The following STK33 variants were observed in gnomAD, a reference collection of about 807,000 sequenced individuals.
The protein encoded by STK33 is serine/threonine kinase 33.
Under a neutral mutation model 58.0 loss-of-function variants are expected in STK33, and 52 were observed. The ratio of observed to expected loss-of-function variants is 0.90; its 90% confidence interval spans 0.72 to 1.13. The LOEUF (loss-of-function observed/expected upper bound fraction) is 1.13. STK33 is among the 50% of genes most tolerant of loss of function. The pLI is 0.00. For synonymous variants in STK33, 215 were observed against 200.1 expected (o/e 1.07, Z -0.63); for missense variants, 630 against 604.2 (o/e 1.04, Z -0.45).
chr11:8,429,760 C>T (rs1050899140), intron 14 of STK33, among the ~76,000 whole-genome samples: 2 of 152,112 alleles, frequency 1.3e-5, no homozygotes, highest in African/African-American at 2.4e-5. Flanking sequence ...CAGCCTGTTC[C>T]AATACTCATC....
At chr11:8,536,714 T>G (rs1051668345) in intron 1 of STK33, among the ~76,000 whole-genome samples, 2 of 152,154 alleles carry the variant, frequency 1.3e-5, no homozygotes, top group African/African-American at 4.8e-5. Flanking sequence ...TTCTTCTTCA[T>G]ATCTTCTATT....
At chr11:8,454,007 A>C (rs1198652454) in intron 10 of STK33, among the ~76,000 whole-genome samples, 1 of 152,082 alleles carries the variant, frequency 6.6e-6, no homozygotes, top group Non-Finnish European at 1.5e-5. Flanking sequence ...TCCAGGCACT[A>C]CTTCAGGTAC....
chr11:8,384,814 T>C, the STK33 span, among the ~76,000 whole-genome samples: 1 of 152,142 alleles, frequency 6.6e-6, no homozygotes, highest in Admixed American at 6.5e-5. Context: ...TAAATAGCAG[T>C]GCGTCCAGCC....
intron 1 of STK33, among the ~76,000 whole-genome samples, chr11:8,574,799 G>T (rs998373196): frequency 2.0e-5 from 3 of 152,016 alleles, no homozygotes; most frequent in African/African-American, 4.8e-5. Flanking sequence ...AACACTTTGG[G>T]GTGCCAGGCC....
chr11:8,365,712 A>G, the STK33 span, among the ~76,000 whole-genome samples: 2 of 151,884 alleles, frequency 1.3e-5, no homozygotes, highest in Admixed American at 6.6e-5. Context: ...CTCTCCTGAG[A>G]GGACAGGTAG....
intron 1 of STK33, among the ~76,000 whole-genome samples, chr11:8,562,433 C>T (rs1957175239): frequency 6.6e-6 from 1 of 152,170 alleles, no homozygotes; most frequent in Non-Finnish European, 1.5e-5. Context: ...CGTGTCCCAA[C>T]ACGAAAACCT....
chr11:8,588,436 G>A (rs908516719), intron 1 of STK33, among the ~76,000 whole-genome samples: 3 of 152,202 alleles, frequency 2.0e-5, no homozygotes, highest in Non-Finnish European at 4.4e-5. Flanking sequence ...CAAGTGAAAT[G>A]AAGTGTACAA....
intron 14 of STK33, among the ~76,000 whole-genome samples, chr11:8,431,056 G>C (rs1943368270): frequency 6.6e-6 from 1 of 151,912 alleles, no homozygotes; most frequent in South Asian, 2.1e-4. Context: ...TAGTAGAGAT[G>C]GGGTTTCACC....
At chr11:8,562,251 T>A (rs1488302055) in intron 1 of STK33, among the ~76,000 whole-genome samples, 1 of 152,234 alleles carries the variant, frequency 6.6e-6, no homozygotes, top group Non-Finnish European at 1.5e-5. Flanking sequence ...AGTTAACTGC[T>A]ACATAGCTCA....
chr11:8,536,088 G>C (rs1163256261), intron 1 of STK33, among the ~76,000 whole-genome samples: 1 of 152,178 alleles, frequency 6.6e-6, no homozygotes, highest in African/African-American at 2.4e-5. Flanking sequence ...AGAGAAGAGA[G>C]ACTGGAAAGG....
chr11:8,460,556 A>G (rs75753652), intron 8 of STK33, among the ~76,000 whole-genome samples: 2,217 of 152,254 alleles, frequency 0.015, 54 homozygotes, highest in African/African-American at 0.05. Flanking sequence ...ACTGTGGACA[A>G]TATCAAGCAA....
chr11:8,550,224 A>C (rs1040007972), intron 1 of STK33, among the ~76,000 whole-genome samples: 2 of 152,220 alleles, frequency 1.3e-5, no homozygotes, highest in Non-Finnish European at 2.9e-5. Flanking sequence ...TACATAATAC[A>C]CAATAAGGTC....
intron 15 of STK33, among the ~76,000 whole-genome samples, chr11:8,408,879 T>G (rs765839793): frequency 1.3e-5 from 2 of 152,216 alleles, no homozygotes; most frequent in Non-Finnish European, 2.9e-5. Flanking sequence ...CCCCCTGCAA[T>G]TAGTTGTGAC....
intron 1 of STK33, among the ~76,000 whole-genome samples, chr11:8,581,182 C>G (rs1233721927): frequency 1.3e-5 from 2 of 152,110 alleles, no homozygotes; most frequent in African/African-American, 4.8e-5. Flanking sequence ...CCCAATCCCC[C>G]TCACACAGAA....
chr11:8,517,777 A>G (rs928299908), intron 1 of STK33, among the ~76,000 whole-genome samples: 2 of 152,204 alleles, frequency 1.3e-5, no homozygotes, highest in Non-Finnish European at 2.9e-5. Context: ...AAGCGAGAAG[A>G]GAAGTTTAGA....
chr11:8,514,939 T>G (rs1952642882), intron 1 of STK33, among the ~76,000 whole-genome samples: 1 of 151,958 alleles, frequency 6.6e-6, no homozygotes, highest in African/African-American at 2.4e-5. Context: ...AAGAAAATTA[T>G]AATAAATGAG....
chr11:8,563,104 C>T (rs1488921383), intron 1 of STK33, among the ~76,000 whole-genome samples: 2 of 152,094 alleles, frequency 1.3e-5, no homozygotes, highest in Non-Finnish European at 2.9e-5. Flanking sequence ...AGTCGCCTCC[C>T]ATAGTGACAG....
the STK33 span, among the ~76,000 whole-genome samples, chr11:8,362,904 C>CCCTT: frequency 2.4e-5 from 3 of 123,328 alleles, no homozygotes; most frequent in Non-Finnish European, 3.5e-5. Context: ...CTCTCTCTCT[C>CCCTT]CCTTCCTTCC....
chr11:8,582,206 A>G (rs1038625367), intron 1 of STK33, among the ~76,000 whole-genome samples: 2 of 152,230 alleles, frequency 1.3e-5, no homozygotes, highest in Admixed American at 6.5e-5. Context: ...AATTTGATAA[A>G]CAAAAAAACA....
Sources: allele counts gnomAD v4.1 joint callset (sites outside exome capture counted in the v4.1 genomes callset), GRCh38; gene constraint gnomAD v4.1.1; transcripts MANE v1.5; gene names NCBI Gene and HGNC (gene_info 2026-07-23, HGNC 2026-07-21).